NFIB: variants seen among roughly 807,000 people sequenced by gnomAD.
The protein encoded by NFIB is nuclear factor 1 B-type.
In NFIB, 11 loss-of-function variants were observed where a neutral mutation model predicts 61.5. The ratio of observed to expected loss-of-function variants is 0.18; its 90% CI spans 0.11 to 0.30. The LOEUF (loss-of-function observed/expected upper bound fraction) is 0.30, where lower values mean the gene tolerates loss of function less well. Among genes scored for constraint, NFIB ranks in the 10% least tolerant of loss-of-function variants. NFIB has a pLI of 1.00. For synonymous variants in NFIB, 260 were observed against 216.5 expected (o/e 1.20, Z -1.76); for missense variants, 471 against 608.9 (o/e 0.77, Z 2.38).
At chr9:14,378,620 G>C (rs929836867) in intron 1 of NFIB, among the ~76,000 whole-genome samples, 1 of 152,238 alleles carries the variant, frequency 6.6e-6, no homozygotes, top group African/African-American at 2.4e-5. Flanking sequence ...CTCCCAAAGT[G>C]TTGGGATTAC....
chr9:14,129,227 G>C (rs1488020895), intron 6 of NFIB, among the ~76,000 whole-genome samples: 1 of 152,046 alleles, frequency 6.6e-6, no homozygotes, highest in Non-Finnish European at 1.5e-5. Flanking sequence ...TTGCTTTAGA[G>C]ACAGGTGAAG....
intron 4 of NFIB, among the ~76,000 whole-genome samples, chr9:14,154,660 G>C (rs140909379): frequency 6.6e-6 from 1 of 152,218 alleles, no homozygotes; most frequent in African/African-American, 2.4e-5. Flanking sequence ...ACCCATGAGA[G>C]AAGTCTTTTG....
chr9:14,458,804 T>C, the NFIB span, among the ~76,000 whole-genome samples: 3 of 151,790 alleles, frequency 2.0e-5, no homozygotes, highest in Non-Finnish European at 4.4e-5. Flanking sequence ...GGAATCCAAC[T>C]TACAAGGGAT....
At chr9:14,196,245 A>T (rs1272352819) in intron 2 of NFIB, among the ~76,000 whole-genome samples, 2 of 152,140 alleles carry the variant, frequency 1.3e-5, no homozygotes, top group Admixed American at 6.5e-5. Flanking sequence ...CTCAGGGAGG[A>T]TCTATAAGTG....
intron 2 of NFIB, among the ~76,000 whole-genome samples, chr9:14,276,500 C>T (rs553702806): frequency 2.4e-4 from 37 of 152,222 alleles, no homozygotes; most frequent in African/African-American, 8.4e-4. Flanking sequence ...TACAAATGTA[C>T]CTTTCTCAGA....
intron 2 of NFIB, among the ~76,000 whole-genome samples, chr9:14,220,842 T>TACACCCACCCCCCC: frequency 8.1e-6 from 1 of 123,094 alleles, no homozygotes; most frequent in East Asian, 2.8e-4. Flanking sequence ...TCAATCTCCC[T>TACACCCACCCCCCC]ACACACACAC....
chr9:14,387,357 T>A (rs2061561209), intron 1 of NFIB, among the ~76,000 whole-genome samples: 1 of 152,204 alleles, frequency 6.6e-6, no homozygotes, highest in South Asian at 2.1e-4. Flanking sequence ...GAGCCTCACA[T>A]TTCTCCACTT....
chr9:14,146,169 G>A (rs2042257230), intron 6 of NFIB, among the ~76,000 whole-genome samples: 1 of 152,096 alleles, frequency 6.6e-6, no homozygotes, highest in Non-Finnish European at 1.5e-5. Context: ...CTGGGTCACA[G>A]TTTTATCTAG....
At chr9:14,266,879 T>G (rs2057246520) in intron 2 of NFIB, among the ~76,000 whole-genome samples, 1 of 152,226 alleles carries the variant, frequency 6.6e-6, no homozygotes, top group South Asian at 2.1e-4. Context: ...AAATAATGAC[T>G]TAATACTTTA....
chr9:14,431,398 T>C, the NFIB span, among the ~76,000 whole-genome samples: 8 of 152,142 alleles, frequency 5.3e-5, no homozygotes, highest in Non-Finnish European at 2.9e-5. Flanking sequence ...AAAGAGTCCT[T>C]TTGCTAATGG....
intron 2 of NFIB, among the ~76,000 whole-genome samples, chr9:14,262,093 C>A (rs2056812579): frequency 6.6e-6 from 1 of 152,128 alleles, no homozygotes; most frequent in Non-Finnish European, 1.5e-5. Flanking sequence ...CTTATCTACA[C>A]AGGGCACTAA....
At chr9:14,363,070 A>G (rs1375042529) in intron 1 of NFIB, among the ~76,000 whole-genome samples, 3 of 152,192 alleles carry the variant, frequency 2.0e-5, no homozygotes, top group Non-Finnish European at 2.9e-5. Flanking sequence ...TCCCTTTAAT[A>G]TAAGTATACA....
chr9:14,126,987 G>C (rs1345922285), intron 6 of NFIB, among the ~76,000 whole-genome samples: 1 of 152,132 alleles, frequency 6.6e-6, no homozygotes, highest in Non-Finnish European at 1.5e-5. Context: ...CAAGTAAGAA[G>C]GAATTGCAAA....
the NFIB span, among the ~76,000 whole-genome samples, chr9:14,485,058 T>A: frequency 2.0e-5 from 3 of 152,178 alleles, no homozygotes; most frequent in Non-Finnish European, 4.4e-5. Flanking sequence ...AAAACCATAG[T>A]TCTTTTGGAT....
chr9:14,094,033 T>C (rs1202696884), intron 10 of NFIB, among the ~76,000 whole-genome samples: 1 of 152,100 alleles, frequency 6.6e-6, no homozygotes, highest in Non-Finnish European at 1.5e-5. Flanking sequence ...AAGACCATTA[T>C]TATCCTGATT....
chr9:14,500,768 G>A, the NFIB span, among the ~76,000 whole-genome samples: 3 of 152,000 alleles, frequency 2.0e-5, no homozygotes, highest in African/African-American at 4.8e-5. Context: ...GAGAATATTC[G>A]TCTTTGTTTC....
chr9:14,205,366 T>A (rs1308513733), intron 2 of NFIB, among the ~76,000 whole-genome samples: 1 of 149,642 alleles, frequency 6.7e-6, no homozygotes, highest in African/African-American at 2.5e-5. Context: ...ACATACTGAT[T>A]TGTTCATAGT....
the NFIB span, among the ~76,000 whole-genome samples, chr9:14,526,739 C>T: frequency 6.6e-6 from 1 of 152,170 alleles, no homozygotes; most frequent in Non-Finnish European, 1.5e-5. Context: ...CAGAAATATG[C>T]TGTAGTTTCA....
rs367687522 is a variant in NFIB at position 14,120,627 on chromosome 9, G to A, written c.1061-3C>T. On this transcript the variant is annotated splice_polypyrimidine_tract_variant and splice_region_variant and intron_variant, in intron 7 of 10. Transcript: ENST00000380953. This position sits in a 1 kb window ranked among gnomAD's most constrained non-coding sequence, Gnocchi z 4.4. ...AGGTGGAGTTCGAGTTGAGATGACT[G>A]CAGAAGACAGAAAAGGAAAGATTGA... 2.8e-5 allele frequency: 45 copies of A among 1,593,224 alleles called. No homozygotes were observed. The highest frequency in any genetic ancestry group is 3.8e-5 in the Non-Finnish European group (45 of 1,171,104).
Sources: allele counts gnomAD v4.1 joint callset (sites outside exome capture counted in the v4.1 genomes callset), GRCh38; gene constraint gnomAD v4.1.1; non-coding constraint Gnocchi (gnomAD v3.1); transcripts MANE v1.5; gene names NCBI Gene and HGNC (gene_info 2026-07-23, HGNC 2026-07-21).